Variants in MED26 observed in about 807,000 individuals in gnomAD.
MED26 encodes mediator of RNA polymerase II transcription subunit 26.
In MED26, 7 loss-of-function variants were observed where a neutral mutation model predicts 43.7. The observed-to-expected ratio is 0.16, with a 90% CI of 0.09 to 0.30. MED26 has a LOEUF of 0.30. Ranked by LOEUF, MED26 falls within the 10% of genes least tolerant of loss-of-function variation. The pLI is 1.00. For missense variants in MED26, 784 were observed against 840.6 expected, an observed-to-expected ratio of 0.93 and a Z score of 0.83; for synonymous variants, 375 against 371.1, an observed-to-expected ratio of 1.01 and a Z score of -0.12.
chr19:16,578,288 C>G, intron 2 of MED26, 47 bp downstream of exon 2: 1 of 1,566,820 alleles, frequency 6.4e-7, no homozygotes, highest in Admixed American at 1.7e-5. Context: ...GTACCATCCC[C>G]TGCCCCCCGT....
intron 1 of MED26, among the ~76,000 whole-genome samples, chr19:16,584,299 C>G (rs573297994): frequency 2.1e-5 from 3 of 142,094 alleles, no homozygotes; most frequent in Admixed American, 6.9e-5. Context: ...ACACTGCCCC[C>G]CCCCGCCCCG....
chr19:16,608,901 G>A (rs1305848574), intron 1 of MED26, among the ~76,000 whole-genome samples: 1 of 152,226 alleles, frequency 6.6e-6, no homozygotes, highest in African/African-American at 2.4e-5. Flanking sequence ...AACTTAAAAA[G>A]CGTGTCATGC....
intron 1 of MED26, among the ~76,000 whole-genome samples, chr19:16,581,734 G>A (rs1440326930): frequency 1.3e-5 from 2 of 152,166 alleles, no homozygotes; most frequent in East Asian, 3.9e-4. Flanking sequence ...TGGGAGCTGG[G>A]GACACCAGGC....
chr19:16,584,666 A>C (rs2086062832), intron 1 of MED26, among the ~76,000 whole-genome samples: 1 of 152,248 alleles, frequency 6.6e-6, no homozygotes, highest in Non-Finnish European at 1.5e-5. Context: ...CTCGTCTTTC[A>C]GTGACACTTT....
chr19:16,627,749 G>T (rs1425590922), intron 1 of MED26, 123 bp downstream of exon 1: 1 of 594,694 alleles, frequency 1.7e-6, no homozygotes, highest in Non-Finnish European at 2.5e-6. Flanking sequence ...GGATGGCAGC[G>T]GCCCTCGAGG....
chr19:16,577,623 G>A lies in MED26; in HGVS notation c.207C>T (p.Leu69=), dbSNP rs779065125. The A allele has an allele frequency of 5.0e-6, 8 of 1,595,994 alleles. No homozygotes were observed. The highest frequency in any genetic ancestry group is 6.0e-6 in the Non-Finnish European group (7 of 1,168,488). ...DVRKKTKNEE[L]AKRAKKLLRS... is the part of the protein sequence containing the mutation. The stretch of plus-strand genomic sequence containing the variant: ...GCAGCAGCTTCTTGGCCCGCTTGGC[G>A]AGCTCCTCGTTCTTGGTTTTCTTGC... The change falls in exon 3 of 3, where the codon CTC becomes CTT. Residue 69 remains leucine, a synonymous_variant. Transcript: ENST00000263390. This position sits in a 1 kb window ranked among gnomAD's most constrained non-coding sequence, Gnocchi z 8.1.
At chr19:16,608,512 CAGTAAACACT>C (rs1265708132) in intron 1 of MED26, among the ~76,000 whole-genome samples, 2 of 152,206 alleles carry the variant, frequency 1.3e-5, no homozygotes, top group African/African-American at 4.8e-5. Flanking sequence ...CCACAGAAAT[CAGTAAACACT>C]ATAAATCAGG....
chr19:16,618,105 G>C (rs1161851884), intron 1 of MED26, among the ~76,000 whole-genome samples: 1 of 152,186 alleles, frequency 6.6e-6, no homozygotes, highest in African/African-American at 2.4e-5. Flanking sequence ...CGGTTACCCA[G>C]AGGGGAGGCA....
rs751451162 is a variant in MED26, at chr19:16,577,491, C to G, written c.339G>C (p.Pro113=). 6.3e-7 allele frequency: 1 copy of G among 1,591,566 alleles called. No homozygotes were observed. Among genetic ancestry groups the G allele is most frequent in the African/African-American group, 1.3e-5 (1 of 74,406 alleles). ...SANGGAHNCR[P]EVGAAGPPRS... is the part of the protein sequence containing the mutation. The stretch of plus-strand genomic sequence containing the variant: ...TGGGTGGGCCAGCCGCCCCCACCTC[C>G]GGCCGGCAGTTGTGTGCGCCCCCGT... The change falls in exon 3 of 3, where the codon CCG becomes CCC. Residue 113 remains proline, a synonymous_variant. Transcript: ENST00000263390. The surrounding 1 kb of genome is among the most constrained non-coding windows in gnomAD (Gnocchi z 8.1).
chr19:16,599,617 C>T (rs967796089), intron 1 of MED26, among the ~76,000 whole-genome samples: 4 of 152,140 alleles, frequency 2.6e-5, no homozygotes, highest in Admixed American at 6.5e-5. Flanking sequence ...TGATGCATTC[C>T]GGCCCTCTGA....
In MED26 at chr19:16,577,251, G is replaced by A. The variant is rs777204502; in HGVS notation, c.579C>T (p.Ala193=). The A allele has an allele frequency of 1.9e-6, 3 of 1,613,148 alleles. No homozygotes were observed. The highest frequency in any genetic ancestry group is 2.5e-6 in the Non-Finnish European group (3 of 1,179,852). The change falls in exon 3 of 3, where the codon GCC becomes GCT. Residue 193 remains alanine, a synonymous_variant. Coordinates refer to ENST00000263390, the MANE Select transcript of MED26 (RefSeq NM_004831.5). This position sits in a 1 kb window ranked among gnomAD's most constrained non-coding sequence, Gnocchi z 8.1. ...CATGCCCACTGCCATCCAGGGAGCT[G>A]GCGAAGCTCTCTGGACTCCCACTGA... is the stretch of plus-strand genomic sequence containing the variant. ...NGISGSPESF[A]SSLDGSGHAG...
Position 16,615,554 on chromosome 19 carries a change from C to G in MED26, c.72+12318G>C, listed in dbSNP as rs879219787. On this transcript the variant is annotated intron_variant, in intron 1 of 2. Transcript: ENST00000263390. ...CTGAGGTCAGGAGTTCGAGACCAGC[C>G]TGGCCAACATGACAAAACCCTGTTT... Among the ~76,000 whole-genome samples the G allele has an allele frequency of 2.6e-5, 4 of 152,150 alleles. No homozygotes were observed. In the South Asian group the frequency reaches 8.3e-4, roughly 31 times the overall value.
chr19:16,606,409 G>T (rs1011118500), intron 1 of MED26, among the ~76,000 whole-genome samples: 1 of 152,158 alleles, frequency 6.6e-6, no homozygotes, highest in Non-Finnish European at 1.5e-5. Flanking sequence ...AAAATAAGCT[G>T]GGTGTGGTGG....
At position 16,623,345 on chromosome 19, in the gene MED26, T is replaced by G. The variant is rs1037177034; in HGVS notation, c.72+4527A>C. 2.6e-5 allele frequency among the ~76,000 whole-genome samples: 4 copies of G among 152,180 alleles called. 1 individual carries two copies. In the South Asian group the frequency reaches 8.3e-4, roughly 32 times the overall value. On this transcript the variant is annotated intron_variant, in intron 1 of 2. Transcript: ENST00000263390. ...AATTGTGGATCAGGTGGCATTTACATGTTTGGGTTTAGGGTCCTCTACTAT... is the reference window on the plus strand; with the variant it reads ...AATTGTGGATCAGGTGGCATTTACAGGTTTGGGTTTAGGGTCCTCTACTAT...
Position 16,577,567 on chromosome 19 carries a change from T to C in MED26, c.263A>G (p.His88Arg). Residue 88 changes from histidine (H) to arginine (R), a missense_variant, in exon 3 of 3, where the codon CAC becomes CGC. Physicochemically the swap from His to Arg is conservative, Grantham distance 29. Coordinates refer to ENST00000263390, the MANE Select transcript of MED26 (RefSeq NM_004831.5). The surrounding 1 kb of genome is among the most constrained non-coding windows in gnomAD (Gnocchi z 8.1). ...RSWQKLIEPA[H>R]QHEAALRGLA... ...CCCCCGCAGCGCCGCCTCATGCTGG[T>C]GTGCCGGCTCGATGAGCTTCTGCCA... The C allele has an allele frequency of 6.2e-7, 1 of 1,609,856 alleles. No individual in the cohort carries two copies. The highest frequency in any genetic ancestry group is 1.7e-4 in the Middle Eastern group (1 of 5,954).
intron 1 of MED26, among the ~76,000 whole-genome samples, chr19:16,621,088 T>C (rs983993608): frequency 1.3e-5 from 2 of 152,208 alleles, no homozygotes; most frequent in African/African-American, 4.8e-5. Flanking sequence ...GGGTACACCT[T>C]GGAAGACGCA....
intron 1 of MED26, chr19:16,610,975 T>C (rs991849394): frequency 6.6e-6 from 1 of 152,208 alleles, no homozygotes; most frequent in African/African-American, 2.4e-5. Flanking sequence ...CCAAGGCCTG[T>C]AGCATGTGTA....
In MED26 at chr19:16,578,293, C is replaced by A. The variant is rs747700501; in HGVS notation, c.147+42G>T. On this transcript the variant is annotated intron_variant, in intron 2 of 2. Coordinates refer to ENST00000263390, the MANE Select transcript of MED26 (RefSeq NM_004831.5). ...GACCTGGTTGGTACCATCCCCTGCC[C>A]CCCGTTCTGCCCTCCCAAATGCTGG... The A allele has an allele frequency of 1.5e-5, 23 of 1,579,226 alleles. No homozygotes were observed. The Admixed American group carries it at 2.2e-4, about 15-fold the overall frequency.
chr19:16,585,260 C>T (rs974750727), intron 1 of MED26, among the ~76,000 whole-genome samples: 3 of 152,160 alleles, frequency 2.0e-5, no homozygotes, highest in Non-Finnish European at 4.4e-5. Context: ...CCTCACGCCT[C>T]TCTTCTAAAG....
Sources: allele counts gnomAD v4.1 joint callset (sites outside exome capture counted in the v4.1 genomes callset), GRCh38; gene constraint gnomAD v4.1.1; non-coding constraint Gnocchi (gnomAD v3.1); transcripts MANE v1.5; gene names NCBI Gene and HGNC (gene_info 2026-07-23, HGNC 2026-07-21).